Variants in RFX3 observed in about 807,000 individuals in gnomAD.
The protein encoded by RFX3 is transcription factor RFX3.
RFX3 carries 14 observed loss-of-function variants against 98.6 expected under a neutral mutation model. That is an observed-to-expected ratio of 0.14 (90% CI 0.09 to 0.22). The LOEUF is 0.22. RFX3 is among the 10% of genes least tolerant of loss of function. RFX3 has a pLI of 1.00. For synonymous variants in RFX3, 383 were observed against 328.4 expected (o/e 1.17, Z -1.80); for missense variants, 639 against 926.9 (o/e 0.69, Z 4.03).
At chr9:3,251,874 G>A (rs1821452231) in intron 14 of RFX3, among the ~76,000 whole-genome samples, 1 of 151,706 alleles carries the variant, frequency 6.6e-6, no homozygotes, top group Non-Finnish European at 1.5e-5. Context: ...TTGAGATGGA[G>A]TCTCGCTCTT....
intron 1 of RFX3, among the ~76,000 whole-genome samples, chr9:3,501,068 T>G (rs546393147): frequency 9.2e-5 from 14 of 152,316 alleles, no homozygotes; most frequent in South Asian, 4.1e-4. Context: ...TCAATATAAT[T>G]AAGTGTGGCA....
At chr9:3,505,961 A>T (rs1482307789) in intron 1 of RFX3, among the ~76,000 whole-genome samples, 1 of 151,838 alleles carries the variant, frequency 6.6e-6, no homozygotes, top group Non-Finnish European at 1.5e-5. Context: ...ACAGCAGTTC[A>T]CTTCTTGGCC....
rs1828448016 is a variant in RFX3 at position 3,299,989 on chromosome 9, G to T, written c.549+1557C>A. On this transcript the variant is annotated intron_variant, in intron 5 of 16. Transcript: ENST00000617270. ...ACTTGGAAGTCTGAAAGCTGAAACAGGTAACTGGAAACTTCAGGTTTTTTT... is the reference window on the plus strand; with the variant it reads ...ACTTGGAAGTCTGAAAGCTGAAACATGTAACTGGAAACTTCAGGTTTTTTT... Among the ~76,000 whole-genome samples, 3 of 150,620 alleles carry T rather than the reference G, an allele frequency of 2.0e-5. No individual in the cohort carries two copies. The South Asian group carries it at 6.2e-4, about 31-fold the overall frequency.
At chr9:3,385,331 G>T (rs1839589658) in intron 2 of RFX3, among the ~76,000 whole-genome samples, 1 of 152,106 alleles carries the variant, frequency 6.6e-6, no homozygotes, top group South Asian at 2.1e-4. Context: ...TAATAGGAAA[G>T]AAATTGTATG....
chr9:3,374,603 A>G (rs1189586172), intron 2 of RFX3, among the ~76,000 whole-genome samples: 1 of 152,256 alleles, frequency 6.6e-6, no homozygotes, highest in African/African-American at 2.4e-5. Flanking sequence ...ACTGAAATAA[A>G]CAGATCACAA....
At chr9:3,357,520 G>A (rs1835916610) in intron 2 of RFX3, among the ~76,000 whole-genome samples, 1 of 151,922 alleles carries the variant, frequency 6.6e-6, no homozygotes, top group Non-Finnish European at 1.5e-5. Flanking sequence ...TGGCACGCAG[G>A]AAAGCAGTAT....
intron 1 of RFX3, among the ~76,000 whole-genome samples, chr9:3,472,568 T>A (rs533283259): frequency 3.9e-5 from 6 of 152,190 alleles, no homozygotes; most frequent in Non-Finnish European, 8.8e-5. Context: ...CAAAGTATAA[T>A]TCCAATACAG....
intron 15 of RFX3, among the ~76,000 whole-genome samples, chr9:3,234,600 C>G (rs1418090297): frequency 6.6e-6 from 1 of 152,178 alleles, no homozygotes; most frequent in African/African-American, 2.4e-5. Flanking sequence ...GATCGTGCCA[C>G]TGTACTCCAG....
intron 2 of RFX3, among the ~76,000 whole-genome samples, chr9:3,395,033 C>T (rs921180718): frequency 6.6e-6 from 1 of 152,184 alleles, no homozygotes; most frequent in African/African-American, 2.4e-5. Flanking sequence ...TTCTAAAATA[C>T]CACAAAGGCA....
intron 4 of RFX3, among the ~76,000 whole-genome samples, chr9:3,326,760 T>C (rs1831969126): frequency 6.6e-6 from 1 of 152,192 alleles, no homozygotes; most frequent in Non-Finnish European, 1.5e-5. Flanking sequence ...TCAAGGCAAC[T>C]ATTCTAAGGA....
chr9:3,231,418 A>G (rs938729699), intron 15 of RFX3, among the ~76,000 whole-genome samples: 2 of 152,166 alleles, frequency 1.3e-5, no homozygotes, highest in African/African-American at 4.8e-5. Context: ...CATTTAGTCA[A>G]TACATATTTA....
In RFX3 at chr9:3,317,053, A is replaced by G. The variant is rs186280923; in HGVS notation, c.474+13206T>C. ...CATATGGAACCAAAAAAGAGCCCGC[A>G]TTGCCCAGACAATCCTAAGCCAAAA... On this transcript the variant is annotated intron_variant, in intron 4 of 16. Transcript: ENST00000617270. Among the ~76,000 whole-genome samples the G allele has an allele frequency of 5.0e-3, 766 of 152,328 alleles. 4 individuals are homozygous for G. Among genetic ancestry groups the G allele is most frequent in the Middle Eastern group, 0.01 (3 of 294 alleles).
chr9:3,380,078 C>CA (rs1471485554), intron 2 of RFX3, among the ~76,000 whole-genome samples: 2 of 152,000 alleles, frequency 1.3e-5, no homozygotes, highest in East Asian at 3.9e-4. Flanking sequence ...AGGCATGCAC[C>CA]ACCATGCCTG....
At chr9:3,470,838 G>C (rs931770290) in intron 1 of RFX3, among the ~76,000 whole-genome samples, 2 of 152,138 alleles carry the variant, frequency 1.3e-5, no homozygotes, top group African/African-American at 4.8e-5. Context: ...TAAATGAGCA[G>C]GATAAGATAG....
At chr9:3,429,322 A>G (rs1471083307) in intron 1 of RFX3, among the ~76,000 whole-genome samples, 1 of 150,792 alleles carries the variant, frequency 6.6e-6, no homozygotes, top group Non-Finnish European at 1.5e-5. Context: ...GCGCCCGGCC[A>G]ATTTTTAGTT....
At chr9:3,251,371 G>C (rs1821373448) in intron 14 of RFX3, among the ~76,000 whole-genome samples, 1 of 151,776 alleles carries the variant, frequency 6.6e-6, no homozygotes, top group Non-Finnish European at 1.5e-5. Flanking sequence ...TTTAGAGACA[G>C]GGGTCTTGCT....
intron 5 of RFX3, among the ~76,000 whole-genome samples, chr9:3,294,505 T>G (rs117491049): frequency 0.023 from 3,436 of 152,226 alleles, 47 homozygotes; most frequent in South Asian, 0.062. Context: ...TCCAATGAAA[T>G]GCTAAAAATA....
intron 5 of RFX3, among the ~76,000 whole-genome samples, chr9:3,295,409 A>G (rs1161689149): frequency 1.3e-5 from 2 of 152,182 alleles, no homozygotes; most frequent in East Asian, 1.9e-4. Flanking sequence ...TTTTGTGTAC[A>G]TATACTAGAC....
chr9:3,428,859 T>G (rs1034318718), intron 1 of RFX3, among the ~76,000 whole-genome samples: 5 of 152,192 alleles, frequency 3.3e-5, no homozygotes, highest in African/African-American at 1.2e-4. Flanking sequence ...GTTTCTCAAT[T>G]GTTCTAGATA....
Sources: allele counts gnomAD v4.1 joint callset (sites outside exome capture counted in the v4.1 genomes callset), GRCh38; gene constraint gnomAD v4.1.1; transcripts MANE v1.5; gene names NCBI Gene and HGNC (gene_info 2026-07-23, HGNC 2026-07-21).